Variants in ETV6 observed in about 807,000 individuals in gnomAD.
The protein encoded by ETV6 is ETS variant transcription factor 6, also known as transcription factor ETV6.
In ETV6, 16 loss-of-function variants were observed where a neutral mutation model predicts 51.1. The observed-to-expected ratio is 0.31, with a 90% CI of 0.21 to 0.48. ETV6 has a LOEUF of 0.48. ETV6 is among the 20% of genes least tolerant of loss of function. The pLI is 0.99. For synonymous variants in ETV6, 240 were observed against 224.1 expected, an observed-to-expected ratio of 1.07 and a Z score of -0.64; for missense variants, 458 against 594.8, an observed-to-expected ratio of 0.77 and a Z score of 2.39.
intron 1 of ETV6, among the ~76,000 whole-genome samples, chr12:11,702,010 G>A (rs1012850857): frequency 5.3e-5 from 8 of 152,146 alleles, no homozygotes; most frequent in South Asian, 4.1e-4. Context: ...ACATTAGGGC[G>A]TATATGAATG....
intron 2 of ETV6, among the ~76,000 whole-genome samples, chr12:11,822,916 T>C (rs377036781): frequency 2.0e-5 from 3 of 152,312 alleles, no homozygotes; most frequent in East Asian, 3.9e-4. Flanking sequence ...AATCAATACA[T>C]TTCTTGCAAA....
At chr12:11,792,844 G>T (rs959502126) in intron 2 of ETV6, among the ~76,000 whole-genome samples, 1 of 152,180 alleles carries the variant, frequency 6.6e-6, no homozygotes, top group Non-Finnish European at 1.5e-5. Flanking sequence ...TTATTTCCAT[G>T]TATGCAACCC....
intron 2 of ETV6, among the ~76,000 whole-genome samples, chr12:11,832,691 T>C (rs768255368): frequency 5.3e-5 from 8 of 152,238 alleles, no homozygotes; most frequent in Non-Finnish European, 7.3e-5. Flanking sequence ...ATAAGGTTGC[T>C]CTAAGTGTTG....
Position 11,679,243 on chromosome 12 carries a change from C to G in ETV6, c.33+29083C>G, listed in dbSNP as rs1473791064. Among the ~76,000 whole-genome samples, 5 of 151,690 alleles carry G rather than the reference C, an allele frequency of 3.3e-5. No individual in the cohort carries two copies. In the South Asian group the frequency reaches 8.3e-4, roughly 25 times the overall value. ...TCAAAGGATCATTTTTTTTTCTTTA[C>G]CCACCCCTTTGACTCTCAGCATTGA... On this transcript the variant is annotated intron_variant, in intron 1 of 7. Coordinates refer to ENST00000396373, the MANE Select transcript of ETV6 (RefSeq NM_001987.5).
intron 2 of ETV6, among the ~76,000 whole-genome samples, chr12:11,789,405 A>C (rs899866337): frequency 6.6e-6 from 1 of 152,132 alleles, no homozygotes; most frequent in Non-Finnish European, 1.5e-5. Context: ...CTCTCCTCTC[A>C]GTAGTTCAGA....
intron 4 of ETV6, among the ~76,000 whole-genome samples, chr12:11,856,461 C>T (rs1946634332): frequency 6.6e-6 from 1 of 152,140 alleles, no homozygotes; most frequent in Non-Finnish European, 1.5e-5. Flanking sequence ...CGCATGTGCT[C>T]CAGTGAACAG....
intron 2 of ETV6, among the ~76,000 whole-genome samples, chr12:11,770,103 ATCT>A (rs1195278313): frequency 2.6e-5 from 4 of 152,184 alleles, no homozygotes; most frequent in Admixed American, 6.5e-5. Context: ...GAGTTATATC[ATCT>A]TCTTCATAGC....
intron 3 of ETV6, among the ~76,000 whole-genome samples, chr12:11,848,717 G>C (rs890823670): frequency 1.3e-5 from 2 of 152,214 alleles, no homozygotes; most frequent in African/African-American, 4.8e-5. Context: ...ACTCTTCCCA[G>C]GGACCTGCGC....
Position 11,895,220 on chromosome 12 carries a change from A to T in ETV6, c.*4174A>T, listed in dbSNP as rs1159577519. ...TCCTTCCCCGCCCCCCTTTTTGTTT[A>T]GTTTCTAATCTCTTGTTTATGAGGT... On this transcript the variant is annotated 3_prime_UTR_variant, in exon 8 of 8. Coordinates refer to ENST00000396373, the MANE Select transcript of ETV6 (RefSeq NM_001987.5). The T allele has an allele frequency of 8.7e-6, 2 of 230,912 alleles. No individual in the cohort carries two copies. Among genetic ancestry groups the T allele is most frequent in the Non-Finnish European group, 1.7e-5 (2 of 116,680 alleles). The allele number at this position is 230,912 out of a possible 1,614,324, so 14.3% of individuals were successfully genotyped here.
At chr12:11,816,238 T>C (rs1377067866) in intron 2 of ETV6, among the ~76,000 whole-genome samples, 1 of 152,178 alleles carries the variant, frequency 6.6e-6, no homozygotes, top group East Asian at 1.9e-4. Flanking sequence ...AACAGTTAGC[T>C]TTATGTTTTT....
chr12:11,761,373 C>T (rs1271394295), intron 2 of ETV6, among the ~76,000 whole-genome samples: 1 of 152,150 alleles, frequency 6.6e-6, no homozygotes, highest in Non-Finnish European at 1.5e-5. Flanking sequence ...CAGATAGTCT[C>T]AGGTATGTGT....
chr12:11,762,810 A>G (rs559159301), intron 2 of ETV6, among the ~76,000 whole-genome samples: 12 of 152,330 alleles, frequency 7.9e-5, no homozygotes, highest in African/African-American at 2.9e-4. Context: ...ATTAGGGAGA[A>G]AAGACTCGCC....
At chr12:11,702,842 A>G (rs1865009550) in intron 1 of ETV6, among the ~76,000 whole-genome samples, 1 of 152,236 alleles carries the variant, frequency 6.6e-6, no homozygotes, top group Admixed American at 6.5e-5. Context: ...TACATTTGTC[A>G]TGCCTGTAAT....
chr12:11,758,620 G>A lies in ETV6; in HGVS notation c.163+6041G>A, dbSNP rs535609638. On this transcript the variant is annotated intron_variant, in intron 2 of 7. Transcript: ENST00000396373. The stretch of plus-strand genomic sequence containing the variant: ...TCCCTCAGTCTGGAACTTTCTTCCC[G>A]TTCTCGCCTGAATCTGTGAATCTCC... 1.8e-4 allele frequency among the ~76,000 whole-genome samples: 28 copies of A among 152,144 alleles called. No individual in the cohort carries two copies. The East Asian group carries it at 3.7e-3, about 20-fold the overall frequency.
intron 2 of ETV6, among the ~76,000 whole-genome samples, chr12:11,773,208 A>G (rs56695427): frequency 0.11 from 16,464 of 144,346 alleles, 1,567 homozygotes; most frequent in East Asian, 0.35. Context: ...AAAAAAAAAA[A>G]AAAATGAAAT....
At chr12:11,690,886 C>CTAGA (rs1555114899) in intron 1 of ETV6, among the ~76,000 whole-genome samples, 1 of 140,536 alleles carries the variant, frequency 7.1e-6, no homozygotes, top group African/African-American at 2.6e-5. Flanking sequence ...GACTCTGTCT[C>CTAGA]TAAATAAATA....
chr12:11,847,561 A>G (rs751306208), intron 3 of ETV6, among the ~76,000 whole-genome samples: 26 of 152,210 alleles, frequency 1.7e-4, no homozygotes, highest in Non-Finnish European at 3.7e-4. Flanking sequence ...GAAATCTCTG[A>G]AGCCATGGAG....
intron 2 of ETV6, among the ~76,000 whole-genome samples, chr12:11,790,842 T>C (rs1945575179): frequency 6.6e-6 from 1 of 151,930 alleles, no homozygotes; most frequent in Non-Finnish European, 1.5e-5. Context: ...CACACCCGGC[T>C]AATTTTTGTA....
chr12:11,876,842 GAC>G (rs1281005477), intron 5 of ETV6, among the ~76,000 whole-genome samples: 2 of 152,226 alleles, frequency 1.3e-5, no homozygotes, highest in Non-Finnish European at 2.9e-5. Flanking sequence ...CAGCAGGCAA[GAC>G]ACAGAATTTC....
Sources: allele counts gnomAD v4.1 joint callset (sites outside exome capture counted in the v4.1 genomes callset), GRCh38; gene constraint gnomAD v4.1.1; transcripts MANE v1.5; gene names NCBI Gene and HGNC (gene_info 2026-07-23, HGNC 2026-07-21).